The following LARGE1 variants were observed in gnomAD, a reference collection of about 807,000 sequenced individuals.
LARGE1 encodes xylosyl- and glucuronyltransferase LARGE1.
Under a neutral mutation model 87.6 loss-of-function variants are expected in LARGE1, and 43 were observed. The ratio of observed to expected loss-of-function variants is 0.49; its 90% confidence interval spans 0.38 to 0.63. The LOEUF is 0.63. Ranked by LOEUF, LARGE1 falls within the 30% of genes least tolerant of loss-of-function variation. The pLI is 0.00. For missense variants in LARGE1, 802 were observed against 1,000.2 expected (o/e 0.80, Z 2.67); for synonymous variants, 434 against 394.6 (o/e 1.10, Z -1.18).
At chr22:33,316,608 G>T (rs1009074944) in intron 10 of LARGE1, among the ~76,000 whole-genome samples, 5 of 152,208 alleles carry the variant, frequency 3.3e-5, no homozygotes, top group Admixed American at 1.3e-4. Context: ...GGACATGGAG[G>T]TGTGTGGCTG....
At chr22:33,631,991 A>G (rs1358191661) in intron 3 of LARGE1, among the ~76,000 whole-genome samples, 1 of 152,206 alleles carries the variant, frequency 6.6e-6, no homozygotes, top group Non-Finnish European at 1.5e-5. Flanking sequence ...TATGTAACAC[A>G]TGACTGTATA....
At chr22:33,893,565 G>A (rs895694404) in intron 1 of LARGE1, among the ~76,000 whole-genome samples, 12 of 152,290 alleles carry the variant, frequency 7.9e-5, no homozygotes, top group African/African-American at 2.6e-4. Flanking sequence ...TGGAGTTATC[G>A]GAGAGCCACA....
rs535366035 is a variant in LARGE1 at position 33,549,013 on chromosome 22, G to C, written c.787+15835C>G. 2.0e-5 allele frequency among the ~76,000 whole-genome samples: 3 copies of C among 152,256 alleles called. No individual in the cohort carries two copies. The South Asian group carries it at 6.2e-4, about 32-fold the overall frequency. On this transcript the variant is annotated intron_variant, in intron 6 of 14. Coordinates refer to ENST00000397394, the MANE Select transcript of LARGE1 (RefSeq NM_133642.5). The stretch of plus-strand genomic sequence containing the variant: ...CAGACCTTCCTTTTCTGATGGAGGT[G>C]GTTATTAATGAAAAAAGTATCCCTT...
chr22:33,196,226 G>A (rs1924073619), intron 11 of LARGE1, among the ~76,000 whole-genome samples: 1 of 150,606 alleles, frequency 6.6e-6, no homozygotes, highest in Non-Finnish European at 1.5e-5. Flanking sequence ...TTGTATCTTT[G>A]AAGAGATCAA....
rs576024549 is a variant in LARGE1 at position 33,652,436 on chromosome 22, C to T, written c.107-1768G>A. Among the ~76,000 whole-genome samples, 3 of 152,252 alleles carry T rather than the reference C, an allele frequency of 2.0e-5. No homozygotes were observed. In the East Asian group the frequency reaches 5.8e-4, roughly 29 times the overall value. The stretch of plus-strand genomic sequence containing the variant: ...TATATCACCTTGTATAAAGTAGGCG[C>T]TCAAGGCATGCTTACTGTTCAGGAG... On this transcript the variant is annotated intron_variant, in intron 2 of 14. Transcript: ENST00000397394.
At chr22:33,356,403 C>T (rs909722589) in intron 9 of LARGE1, among the ~76,000 whole-genome samples, 7 of 152,352 alleles carry the variant, frequency 4.6e-5, no homozygotes, top group African/African-American at 1.7e-4. Flanking sequence ...GGTACTATCC[C>T]AGCTGTGCCA....
intron 1 of LARGE1, among the ~76,000 whole-genome samples, chr22:33,775,549 G>A (rs956913782): frequency 5.3e-5 from 8 of 152,122 alleles, no homozygotes; most frequent in African/African-American, 1.4e-4. Context: ...AGACAATTTT[G>A]ATTATTAAGA....
intron 13 of LARGE1, among the ~76,000 whole-genome samples, chr22:33,277,520 TAAG>T (rs1929574100): frequency 6.6e-6 from 1 of 152,126 alleles, no homozygotes. Flanking sequence ...GTTGTCCTTA[TAAG>T]AAGGGGAAAA....
intron 6 of LARGE1, among the ~76,000 whole-genome samples, chr22:33,525,661 T>A (rs1438866854): frequency 6.6e-6 from 1 of 152,118 alleles, no homozygotes; most frequent in African/African-American, 2.4e-5. Context: ...CCCAGCATAC[T>A]GGATCCACTC....
At chr22:33,205,868 C>T (rs1924648532) in intron 11 of LARGE1, among the ~76,000 whole-genome samples, 1 of 151,924 alleles carries the variant, frequency 6.6e-6, no homozygotes, top group African/African-American at 2.4e-5. Flanking sequence ...CAGCCTCCAC[C>T]TCCCAAGTCA....
At chr22:33,551,494 G>C (rs1484989393) in intron 6 of LARGE1, among the ~76,000 whole-genome samples, 2 of 152,204 alleles carry the variant, frequency 1.3e-5, no homozygotes, top group Non-Finnish European at 2.9e-5. Context: ...TGCTTATGGA[G>C]AGTAGGAGTA....
intron 7 of LARGE1, among the ~76,000 whole-genome samples, chr22:33,394,702 C>CGTGTGTGTGTGTGTGTGTGTGTGTGTGT (rs59338001): frequency 7.0e-6 from 1 of 142,338 alleles, no homozygotes; most frequent in African/African-American, 2.6e-5. Context: ...CTCCTGGGAG[C>CGTGTGTGTGTGTGTGTGTGTGTGTGTGT]GTGTGTGTGT....
chr22:33,797,666 A>G (rs1307583023), intron 1 of LARGE1, among the ~76,000 whole-genome samples: 1 of 152,168 alleles, frequency 6.6e-6, no homozygotes. Context: ...AGTTATGGCA[A>G]ACTTCCAGTA....
In LARGE1 at chr22:33,715,809, G is replaced by A. The variant is rs748210138; in HGVS notation, c.106+45562C>T. Among the ~76,000 whole-genome samples, 4 of 152,180 alleles carry A rather than the reference G, an allele frequency of 2.6e-5. No individual in the cohort carries two copies. The South Asian group carries it at 6.2e-4, about 24-fold the overall frequency. On this transcript the variant is annotated intron_variant, in intron 2 of 14. Coordinates refer to ENST00000397394, the MANE Select transcript of LARGE1 (RefSeq NM_133642.5). The stretch of plus-strand genomic sequence containing the variant: ...GCACAGGCTAGGCTAAAGTTGTCAC[G>A]CTCACAGGATCACAGACATCATTGA...
intron 1 of LARGE1, among the ~76,000 whole-genome samples, chr22:33,781,909 C>T (rs2085432893): frequency 6.6e-6 from 1 of 152,068 alleles, no homozygotes; most frequent in South Asian, 2.1e-4. Flanking sequence ...AGAACCAGCA[C>T]ATGGTAAAAG....
At chr22:33,690,045 C>A (rs937033214) in intron 2 of LARGE1, among the ~76,000 whole-genome samples, 1 of 152,228 alleles carries the variant, frequency 6.6e-6, no homozygotes, top group African/African-American at 2.4e-5. Flanking sequence ...AGACATCCGT[C>A]CTCCATTCCT....
intron 5 of LARGE1, among the ~76,000 whole-genome samples, chr22:33,591,825 A>G (rs2078845963): frequency 6.8e-6 from 1 of 146,236 alleles, no homozygotes; most frequent in Non-Finnish European, 1.5e-5. Context: ...CGGGCAATAT[A>G]GCAAGACCCG....
intron 9 of LARGE1, among the ~76,000 whole-genome samples, chr22:33,358,109 T>C (rs983184503): frequency 1.3e-5 from 2 of 152,164 alleles, no homozygotes; most frequent in Admixed American, 1.3e-4. Flanking sequence ...GCCAGCTGCC[T>C]CATATTTAAT....
chr22:33,655,188 T>C (rs555901103), intron 2 of LARGE1, among the ~76,000 whole-genome samples: 1 of 152,276 alleles, frequency 6.6e-6, no homozygotes, highest in South Asian at 2.1e-4. Context: ...AAGGTGTTTT[T>C]GGATGAGGTT....
Sources: gnomAD v4.1 joint callset for allele counts (sites outside exome capture counted in the v4.1 genomes callset) on GRCh38, gnomAD v4.1.1 for gene constraint, MANE v1.5 for transcripts, NCBI Gene and HGNC (gene_info 2026-07-23, HGNC 2026-07-21) for gene names.